The following PCDHA8 variants were observed in gnomAD, a reference collection of about 807,000 sequenced individuals.
The protein encoded by PCDHA8 is protocadherin alpha 8.
PCDHA8 carries 53 observed loss-of-function variants against 61.8 expected under a neutral mutation model. That is an observed-to-expected ratio of 0.86 (90% CI 0.69 to 1.08). The LOEUF is 1.08. Among genes scored for constraint, PCDHA8 ranks in the 50% least tolerant of loss-of-function variants. PCDHA8 has a pLI of 0.00. For missense variants in PCDHA8, 1,293 were observed against 1,245.0 expected (o/e 1.04, Z -0.58); for synonymous variants, 618 against 556.6 (o/e 1.11, Z -1.55).
chr5:140,842,928 G>A lies in PCDHA8; in HGVS notation c.1607G>A (p.Ser536Asn), dbSNP rs2150347921. Reference protein sequence around the residue: ...EELELLQFQVSARDAGVPPLG... With the variant: ...EELELLQFQVNARDAGVPPLG... ...CTAGAGCTGCTGCAGTTCCAGGTGAGCGCGCGCGACGCGGGCGTGCCGCCT... is the reference window on the plus strand; with the variant it reads ...CTAGAGCTGCTGCAGTTCCAGGTGAACGCGCGCGACGCGGGCGTGCCGCCT... Residue 536 changes from serine to asparagine, a missense_variant, in exon 1 of 4, where the codon AGC becomes AAC. By Grantham distance (46) the Ser-to-Asn change is conservative. Transcript: ENST00000531613. 1 of 1,594,252 alleles carries A rather than the reference G, an allele frequency of 6.3e-7. No individual in the cohort carries two copies. The highest frequency in any genetic ancestry group is 1.7e-5 in the Admixed American group (1 of 59,260).
At chr5:140,969,638 G>A (rs1461834971) in intron 1 of PCDHA8, 1 of 210,658 alleles carries the variant, frequency 4.7e-6, no homozygotes, top group African/African-American at 2.4e-5. Context: ...ACAGGCCTTG[G>A]AATAGGGATT....
chr5:140,887,497 A>G (rs981649331), intron 1 of PCDHA8, among the ~76,000 whole-genome samples: 1 of 152,150 alleles, frequency 6.6e-6, no homozygotes, highest in Admixed American at 6.5e-5. Context: ...ATAGTTTCTA[A>G]TAAGATGTTT....
In PCDHA8 at chr5:140,843,678, G is replaced by A; in HGVS notation, c.2357G>A (p.Gly786Asp). ...CCTGATCTGGGATCAGTTGATGTAG[G>A]CGAAGAGCAAGATTTAAATGTTGAT... ...LPPDLGSVDV[G>D]EEQDLNVDHG... The change falls in exon 1 of 4, where the codon GGC becomes GAC. Residue 786 changes from glycine (G) to aspartate (D), a missense_variant. By Grantham distance (94) the Gly-to-Asp change is moderately conservative. Transcript: ENST00000531613. The A allele has an allele frequency of 1.3e-6, 2 of 1,591,412 alleles. No individual in the cohort carries two copies. The highest frequency in any genetic ancestry group is 1.7e-6 in the Non-Finnish European group (2 of 1,161,278).
At chr5:140,856,761 C>A (rs377564040) in intron 1 of PCDHA8, 2 of 1,596,482 alleles carry the variant, frequency 1.3e-6, no homozygotes, top group African/African-American at 2.7e-5. Context: ...AATGATAACG[C>A]CCCTATCTTT....
In PCDHA8 at chr5:140,843,140, C is replaced by G. The variant is rs1432182351; in HGVS notation, c.1819C>G (p.Leu607Val). The change falls in exon 1 of 4, where the codon CTT becomes GTT. Residue 607 changes from leucine (L) to valine (V), a missense_variant. Coordinates refer to ENST00000531613, the MANE Select transcript of PCDHA8 (RefSeq NM_018911.3). ...CGCCGACTCGGGCTACAACGCGTGG[C>G]TTTCGTATGAGCTGCAGCCAGCTGC... ...VDADSGYNAW[L>V]SYELQPAASS... 1 of 1,595,908 alleles carries G rather than the reference C, an allele frequency of 6.3e-7. No individual in the cohort carries two copies. Among genetic ancestry groups the G allele is most frequent in the Non-Finnish European group, 8.6e-7 (1 of 1,165,604 alleles).
chr5:140,927,948 C>G, intron 1 of PCDHA8: 4 of 1,614,190 alleles, frequency 2.5e-6, no homozygotes, highest in Non-Finnish European at 3.4e-6. Flanking sequence ...TACCTGAGGA[C>G]GCTGCCCCTG....
intron 1 of PCDHA8, among the ~76,000 whole-genome samples, chr5:140,910,282 T>C (rs557559116): frequency 1.3e-5 from 2 of 152,300 alleles, no homozygotes; most frequent in East Asian, 1.9e-4. Context: ...AGGAACACCA[T>C]GATTAATCAA....
At chr5:140,906,041 A>T (rs1257569280) in intron 1 of PCDHA8, among the ~76,000 whole-genome samples, 1 of 152,128 alleles carries the variant, frequency 6.6e-6, no homozygotes, top group Non-Finnish European at 1.5e-5. Context: ...GTCTGCTTTT[A>T]TTCTGGCTGC....
At chr5:140,857,234 C>A (rs781784109) in intron 1 of PCDHA8, 1 of 1,598,590 alleles carries the variant, frequency 6.3e-7, no homozygotes, top group South Asian at 1.1e-5. Context: ...TCCGTTCAAG[C>A]TGGTGTCCAC....
At chr5:140,908,529 T>C (rs1250814293) in intron 1 of PCDHA8, among the ~76,000 whole-genome samples, 1 of 152,178 alleles carries the variant, frequency 6.6e-6, no homozygotes, top group Non-Finnish European at 1.5e-5. Flanking sequence ...AAATGTTCAG[T>C]TTCCACCAAA....
rs782295059 is a variant in PCDHA8 at position 140,883,240 on chromosome 5, C to A, written c.2394+39525C>A. The A allele has an allele frequency of 3.7e-6, 6 of 1,613,998 alleles. No homozygotes were observed. The Admixed American group carries it at 1.0e-4, about 27-fold the overall frequency. ...ATGAAATATCCGTGGAGGCAGTTGA[C>A]AAAGGAAATATTCCAATGGCGGGTC... On this transcript the variant is annotated intron_variant, in intron 1 of 3. Coordinates refer to ENST00000531613, the MANE Select transcript of PCDHA8 (RefSeq NM_018911.3).
At chr5:140,978,455 G>A (rs782473387) in intron 1 of PCDHA8, among the ~76,000 whole-genome samples, 21 of 152,302 alleles carry the variant, frequency 1.4e-4, no homozygotes, top group Non-Finnish European at 2.8e-4. Context: ...GGGCACATCC[G>A]CCCTGGGTCA....
intron 1 of PCDHA8, chr5:140,875,653 C>G (rs1554167829): frequency 1.2e-6 from 2 of 1,613,682 alleles, no homozygotes; most frequent in Non-Finnish European, 8.5e-7. Context: ...GGAGCTGGTG[C>G]CGCGCCTGTT....
At chr5:140,928,194 A>G in intron 1 of PCDHA8, 2 of 1,614,204 alleles carry the variant, frequency 1.2e-6, no homozygotes, top group East Asian at 2.2e-5. Context: ...TCACTGTGTC[A>G]GTTGCTGATG....
chr5:140,843,042 G>C lies in PCDHA8; in HGVS notation c.1721G>C (p.Gly574Ala). 6.3e-7 allele frequency: 1 copy of C among 1,595,168 alleles called. No homozygotes were observed. The highest frequency in any genetic ancestry group is 8.6e-7 in the Non-Finnish European group (1 of 1,165,350). The part of the protein sequence containing the change: ...ALLEPRVGGT[G>A]GAASKLVPRS... The stretch of plus-strand genomic sequence containing the variant: ...CTGGAGCCTCGGGTGGGTGGCACTG[G>C]TGGCGCAGCGAGCAAGCTGGTGCCG... The change falls in exon 1 of 4, where the codon GGT (glycine) becomes GCT (alanine). Residue 574 changes from glycine to alanine, a missense_variant. Physicochemically the swap from Gly to Ala is moderately conservative, Grantham distance 60. Coordinates refer to ENST00000531613, the MANE Select transcript of PCDHA8 (RefSeq NM_018911.3).
At chr5:140,954,076 C>T (rs941125208) in intron 1 of PCDHA8, among the ~76,000 whole-genome samples, 4 of 152,150 alleles carry the variant, frequency 2.6e-5, no homozygotes, top group Non-Finnish European at 2.9e-5. Context: ...AGGATAATGG[C>T]TTCCAGCTCC....
intron 1 of PCDHA8, among the ~76,000 whole-genome samples, chr5:140,956,777 G>A (rs1470027067): frequency 6.6e-6 from 1 of 152,022 alleles, no homozygotes; most frequent in Admixed American, 6.6e-5. Context: ...GTCTGGTCCT[G>A]GGCTTTGTTT....
chr5:140,926,762 C>A (rs1186997274), intron 1 of PCDHA8: 5 of 1,326,554 alleles, frequency 3.8e-6, no homozygotes, highest in East Asian at 2.8e-5. Context: ...CGCTGAGTAT[C>A]CAGCCCGCAG....
chr5:140,917,334 G>GC (rs1563019411), intron 1 of PCDHA8, among the ~76,000 whole-genome samples: 1 of 147,630 alleles, frequency 6.8e-6, no homozygotes, highest in Non-Finnish European at 1.5e-5. Context: ...CGGGGGAGGG[G>GC]GGGGATGGTG....
Sources: allele counts gnomAD v4.1 joint callset (sites outside exome capture counted in the v4.1 genomes callset), GRCh38; gene constraint gnomAD v4.1.1; transcripts MANE v1.5; gene names NCBI Gene and HGNC (gene_info 2026-07-23, HGNC 2026-07-21).